Variants in CECR2 observed in about 807,000 individuals in gnomAD.
CECR2 encodes the protein CECR2 histone acetyl-lysine reader.
A neutral mutation model predicts 154.5 loss-of-function variants in CECR2; 30 were observed. The observed-to-expected ratio is 0.19, with a 90% CI of 0.15 to 0.26. CECR2 has a LOEUF of 0.26. Among genes scored for constraint, CECR2 ranks in the 10% least tolerant of loss-of-function variants. CECR2 has a pLI of 1.00. For synonymous variants in CECR2, 725 were observed against 683.7 expected (o/e 1.06, Z -0.94); for missense variants, 1,743 against 1,829.3 (o/e 0.95, Z 0.86).
intron 1 of CECR2, chr22:17,419,407 G>T: frequency 5.5e-6 from 1 of 180,530 alleles, no homozygotes; most frequent in East Asian, 1.5e-4. Context: ...GGTTGTGGTG[G>T]ATGAGAGCCC....
intron 8 of CECR2, among the ~76,000 whole-genome samples, chr22:17,512,302 G>A (rs573085050): frequency 1.3e-5 from 2 of 151,996 alleles, no homozygotes; most frequent in African/African-American, 4.8e-5. Flanking sequence ...TGGGAGAGGT[G>A]GGGCAGAAGG....
chr22:17,465,273 G>A (rs1344560147), intron 1 of CECR2, among the ~76,000 whole-genome samples: 1 of 151,996 alleles, frequency 6.6e-6, no homozygotes, highest in Non-Finnish European at 1.5e-5. Context: ...CGGGATTACA[G>A]GTGTGAGCCA....
chr22:17,495,156 A>G (rs188485904), intron 2 of CECR2, among the ~76,000 whole-genome samples: 1 of 152,366 alleles, frequency 6.6e-6, no homozygotes, highest in East Asian at 1.9e-4. Flanking sequence ...CTTATTAATA[A>G]GAAAAAACTT....
chr22:17,496,323 C>A (rs561533634), intron 2 of CECR2, among the ~76,000 whole-genome samples: 1 of 151,940 alleles, frequency 6.6e-6, no homozygotes, highest in Non-Finnish European at 1.5e-5. Context: ...CAGTGAAACC[C>A]GGTCTCTACT....
chr22:17,536,106 G>C, intron 9 of CECR2, among the ~76,000 whole-genome samples: 1 of 152,096 alleles, frequency 6.6e-6, no homozygotes, highest in East Asian at 1.9e-4. Context: ...AAATTAGCTG[G>C]GCGTGGTGGT....
At chr22:17,385,412 T>C (rs1378184069) in intron 1 of CECR2, among the ~76,000 whole-genome samples, 1 of 152,204 alleles carries the variant, frequency 6.6e-6, no homozygotes, top group Non-Finnish European at 1.5e-5. Context: ...TGTAGGATTA[T>C]TAATTGGCCT....
At chr22:17,526,862 T>A (rs116761222) in intron 9 of CECR2, among the ~76,000 whole-genome samples, 1,526 of 138,722 alleles carry the variant, frequency 0.011, 28 homozygotes, top group African/African-American at 0.039. Context: ...ATTATGAAAC[T>A]CTACAAGAAA....
intron 2 of CECR2, among the ~76,000 whole-genome samples, chr22:17,495,749 C>A (rs901107707): frequency 2.0e-5 from 3 of 150,248 alleles, no homozygotes; most frequent in Non-Finnish European, 4.4e-5. Flanking sequence ...GTAGTCCCAG[C>A]TACTCGGGAG....
rs768873454 is a variant in CECR2 at position 17,538,681 on chromosome 22, T to C, written c.1318T>C (p.Leu440=). 2 of 1,614,016 alleles carry C rather than the reference T, an allele frequency of 1.2e-6. No homozygotes were observed. Among genetic ancestry groups the C allele is most frequent in the South Asian group, 1.1e-5 (1 of 91,090 alleles). The change falls in exon 12 of 19, where the codon TTG becomes CTG. Residue 440 remains leucine, a synonymous_variant. Coordinates refer to ENST00000262608, the MANE Select transcript of CECR2 (RefSeq NM_001290047.2). ...GGCTCACAAGGATTCCTGGCCCTTC[T>C]TGGAACCTGTGGATGAATCTTATGC... ...VKAHKDSWPF[L]EPVDESYAPN...
intron 1 of CECR2, among the ~76,000 whole-genome samples, chr22:17,471,517 ATTGTTG>A (rs545804185): frequency 2.6e-5 from 4 of 151,030 alleles, no homozygotes; most frequent in African/African-American, 9.8e-5. Context: ...GGGGTTTTTT[ATTGTTG>A]TTGTTGTTTG....
intron 1 of CECR2, among the ~76,000 whole-genome samples, chr22:17,444,476 A>G (rs886739006): frequency 1.3e-5 from 2 of 152,086 alleles, no homozygotes; most frequent in African/African-American, 2.4e-5. Flanking sequence ...AAGATACACA[A>G]TATTAGGCGA....
intron 1 of CECR2, among the ~76,000 whole-genome samples, chr22:17,433,200 C>T (rs1405901252): frequency 6.6e-6 from 1 of 152,114 alleles, no homozygotes; most frequent in Non-Finnish European, 1.5e-5. Flanking sequence ...CCTCATATTG[C>T]TGTATTTAAA....
At chr22:17,427,956 T>G (rs2518744) in intron 1 of CECR2, among the ~76,000 whole-genome samples, 83,790 of 152,008 alleles carry the variant, frequency 0.55, 24,297 homozygotes, top group African/African-American at 0.75. Flanking sequence ...GTGTAAAAGC[T>G]TTCCTATTTC....
chr22:17,399,174 ATAG>A (rs2053855797), intron 1 of CECR2, among the ~76,000 whole-genome samples: 1 of 152,198 alleles, frequency 6.6e-6, no homozygotes, highest in South Asian at 2.1e-4. Flanking sequence ...CATTAATGGT[ATAG>A]TAAAAGGCTC....
chr22:17,511,692 T>C (rs1309341762), intron 7 of CECR2, 121 bp from the exon 8 acceptor site: 41 of 665,516 alleles, frequency 6.2e-5, no homozygotes, highest in Non-Finnish European at 6.9e-5. Context: ...AGGAAGCCTT[T>C]GGCCCTAACC....
intron 3 of CECR2, among the ~76,000 whole-genome samples, chr22:17,499,119 A>T (rs1045498178): frequency 6.6e-6 from 1 of 151,700 alleles, no homozygotes; most frequent in African/African-American, 2.4e-5. Flanking sequence ...CCTCCCGAGT[A>T]GCTGGGATTA....
chr22:17,398,094 A>G (rs7510854), intron 1 of CECR2, among the ~76,000 whole-genome samples: 5,719 of 151,690 alleles, frequency 0.038, 133 homozygotes, highest in African/African-American at 0.073. Context: ...TTATTTTATT[A>G]TATATTTCAT....
chr22:17,430,535 C>A (rs1319607219), intron 1 of CECR2, among the ~76,000 whole-genome samples: 1 of 152,206 alleles, frequency 6.6e-6, no homozygotes, highest in Non-Finnish European at 1.5e-5. Context: ...GTGCTCCTGC[C>A]TCTCAGGATG....
chr22:17,554,563 C>T lies in CECR2; in HGVS notation c.*1723C>T, dbSNP rs548300329. The T allele has an allele frequency of 6.0e-4, 91 of 152,264 alleles. 1 individual carries two copies. Among genetic ancestry groups the T allele is most frequent in the Admixed American group, 3.9e-3 (60 of 15,286 alleles). The allele number at this position is 152,264 out of a possible 1,614,324, so 9.4% of individuals were successfully genotyped here. A position where few individuals can be genotyped will look rare whatever the true frequency, so the allele number is the denominator to read the frequency against. ...AGGATGATGGAAGTTCATATCCGTA[C>T]GCAAATGCTGAACCTGGTGCTGCTG... On this transcript the variant is annotated 3_prime_UTR_variant, in exon 19 of 19. Transcript: ENST00000262608.
Sources: gnomAD v4.1 joint callset for allele counts (sites outside exome capture counted in the v4.1 genomes callset) on GRCh38, gnomAD v4.1.1 for gene constraint, MANE v1.5 for transcripts, NCBI Gene and HGNC (gene_info 2026-07-23, HGNC 2026-07-21) for gene names.